The following ZNF362 variants were observed in gnomAD, a reference collection of about 807,000 sequenced individuals.
ZNF362 encodes rotund homolog.
ZNF362 carries 11 observed loss-of-function variants against 42.9 expected under a neutral mutation model. The observed-to-expected ratio is 0.26, with a 90% CI of 0.16 to 0.42. ZNF362 has a LOEUF of 0.42. ZNF362 is among the 20% of genes least tolerant of loss of function. ZNF362 has a pLI of 1.00. For missense variants in ZNF362, 362 were observed against 576.2 expected (o/e 0.63, Z 3.81); for synonymous variants, 255 against 257.3 (o/e 0.99, Z 0.09).
At chr1:33,237,495 G>A in the ZNF362 span, among the ~76,000 whole-genome samples, 3 of 152,134 alleles carry the variant, frequency 2.0e-5, no homozygotes, top group South Asian at 2.1e-4. Flanking sequence ...AGATGACATC[G>A]ATATGGCTCT....
At chr1:33,191,125 A>G in the ZNF362 span, among the ~76,000 whole-genome samples, 2 of 152,150 alleles carry the variant, frequency 1.3e-5, no homozygotes, top group Admixed American at 1.3e-4. Context: ...TGCTTTTGTC[A>G]TTGCTATCTT....
the ZNF362 span, among the ~76,000 whole-genome samples, chr1:33,230,557 G>A: frequency 0.01 from 1,583 of 152,288 alleles, 34 homozygotes; most frequent in African/African-American, 0.036. Context: ...CACATGTGTC[G>A]GGCCCAGTGC....
chr1:33,159,514 C>T, the ZNF362 span, among the ~76,000 whole-genome samples: 1 of 152,204 alleles, frequency 6.6e-6, no homozygotes, highest in African/African-American at 2.4e-5. The surrounding 1 kb of genome is among the most constrained non-coding windows in gnomAD (Gnocchi z 4.2). Context: ...GCCTCACTGG[C>T]TTCATACTCA....
At chr1:33,167,110 TCA>T in the ZNF362 span, among the ~76,000 whole-genome samples, 2 of 152,116 alleles carry the variant, frequency 1.3e-5, no homozygotes, top group Admixed American at 6.5e-5. This position sits in a 1 kb window ranked among gnomAD's most constrained non-coding sequence, Gnocchi z 4.2. Flanking sequence ...GCCTCCACTC[TCA>T]GAGTTTCTCA....
the ZNF362 span, among the ~76,000 whole-genome samples, chr1:33,238,350 A>AAATAAAATAAAATAAAATAAAAT: frequency 9.9e-6 from 1 of 100,652 alleles, no homozygotes; most frequent in Non-Finnish European, 2.1e-5. Context: ...AAATAAAATA[A>AAATAAAATAAAATAAAATAAAAT]AATAAAATAA....
chr1:33,181,304 C>T, the ZNF362 span: 4 of 1,557,896 alleles, frequency 2.6e-6, no homozygotes, highest in Non-Finnish European at 2.6e-6. This position sits in a 1 kb window ranked among gnomAD's most constrained non-coding sequence, Gnocchi z 6.5. Flanking sequence ...CGCCCTGCGC[C>T]TCCTGCCGCA....
the ZNF362 span, among the ~76,000 whole-genome samples, chr1:33,144,330 G>A: frequency 6.6e-6 from 1 of 152,274 alleles, no homozygotes; most frequent in Middle Eastern, 3.4e-3. Context: ...TAGAGACGGG[G>A]TTTCTCCACG....
At chr1:33,180,136 A>C in the ZNF362 span, among the ~76,000 whole-genome samples, 1 of 152,156 alleles carries the variant, frequency 6.6e-6, no homozygotes, top group South Asian at 2.1e-4. Context: ...TTCTATGCCA[A>C]CTATGCTCAG....
chr1:33,153,668 G>A, the ZNF362 span, among the ~76,000 whole-genome samples: 2 of 152,116 alleles, frequency 1.3e-5, no homozygotes, highest in Non-Finnish European at 2.9e-5. Flanking sequence ...AGTTGAGAAG[G>A]GAACACTAGC....
At chr1:33,234,612 T>A in the ZNF362 span, among the ~76,000 whole-genome samples, 1 of 152,160 alleles carries the variant, frequency 6.6e-6, no homozygotes, top group Admixed American at 6.5e-5. Context: ...AGGCCCTCCC[T>A]GCTGCCTTCC....
chr1:33,133,293 G>A, the ZNF362 span, among the ~76,000 whole-genome samples: 11 of 152,360 alleles, frequency 7.2e-5, no homozygotes, highest in South Asian at 8.3e-4. Flanking sequence ...TGTCCCTGTC[G>A]CCTCAAGAGA....
intron 1 of ZNF362, chr1:33,261,609 A>G (rs934811253): frequency 3.3e-5 from 5 of 152,196 alleles, no homozygotes; most frequent in African/African-American, 9.7e-5. Context: ...ATCCAGGGTA[A>G]TTGGTCAGGC....
At chr1:33,160,261 G>T in the ZNF362 span, among the ~76,000 whole-genome samples, 4 of 152,094 alleles carry the variant, frequency 2.6e-5, no homozygotes, top group Non-Finnish European at 4.4e-5. Context: ...TGGCTAGAGG[G>T]GTACAGAAGA....
the ZNF362 span, among the ~76,000 whole-genome samples, chr1:33,182,605 T>C: frequency 4.4e-5 from 1 of 22,656 alleles, no homozygotes; most frequent in African/African-American, 9.9e-5. Context: ...TGTATTTGTG[T>C]GTGTGTGTGT....
At chr1:33,250,966 T>C in the ZNF362 span, among the ~76,000 whole-genome samples, 1 of 152,120 alleles carries the variant, frequency 6.6e-6, no homozygotes, top group African/African-American at 2.4e-5. Context: ...CCCCTCCTCC[T>C]ACAGAATGAG....
At chr1:33,145,183 T>TG in the ZNF362 span, among the ~76,000 whole-genome samples, 138 of 152,312 alleles carry the variant, frequency 9.1e-4, no homozygotes, top group Admixed American at 1.8e-3. Context: ...GGTAAGTTTT[T>TG]GGACAGGTTT....
At chr1:33,240,273 C>T in the ZNF362 span, among the ~76,000 whole-genome samples, 490 of 152,196 alleles carry the variant, frequency 3.2e-3, 17 homozygotes, top group East Asian at 0.084. Flanking sequence ...ATACCAAGGG[C>T]GGGAATCATC....
rs1646130922 is a variant in ZNF362, at chr1:33,297,189, C to T, written c.1147-1741C>T. On this transcript the variant is annotated intron_variant, in intron 8 of 8. Transcript: ENST00000539719. Reference sequence around the variant, plus strand: ...GGGCTCCAAAGGGGTGAGCAGGAGCCCTCGCTTGGCTAGCTGATCTCCAGT... The same window carrying T: ...GGGCTCCAAAGGGGTGAGCAGGAGCTCTCGCTTGGCTAGCTGATCTCCAGT... Among the ~76,000 whole-genome samples the T allele has an allele frequency of 3.3e-5, 5 of 152,240 alleles. No individual in the cohort carries two copies. The South Asian group carries it at 1.0e-3, about 32-fold the overall frequency.
the ZNF362 span, among the ~76,000 whole-genome samples, chr1:33,240,474 TATAC>T: frequency 6.6e-6 from 1 of 152,218 alleles, no homozygotes; most frequent in Admixed American, 6.5e-5. Flanking sequence ...CATATACATA[TATAC>T]ATAAACACAC....
Sources: allele counts gnomAD v4.1 joint callset (sites outside exome capture counted in the v4.1 genomes callset), GRCh38; gene constraint gnomAD v4.1.1; non-coding constraint Gnocchi (gnomAD v3.1); transcripts MANE v1.5; gene names NCBI Gene and HGNC (gene_info 2026-07-23, HGNC 2026-07-21).